Variants in SPPL3 observed in about 807,000 individuals in gnomAD.
The protein encoded by SPPL3 is signal peptide peptidase like 3.
Under a neutral mutation model 42.4 loss-of-function variants are expected in SPPL3, and 5 were observed. The ratio of observed to expected loss-of-function variants is 0.12; its 90% confidence interval spans 0.06 to 0.25. SPPL3 has a LOEUF of 0.25. SPPL3 is among the 10% of genes least tolerant of loss of function. The pLI, the probability that SPPL3 is intolerant of heterozygous loss-of-function variation, is 1.00. For missense variants in SPPL3, 235 were observed against 489.0 expected (o/e 0.48, Z 4.90); for synonymous variants, 195 against 181.8 (o/e 1.07, Z -0.58).
intron 6 of SPPL3, among the ~76,000 whole-genome samples, chr12:120,773,972 G>A (rs187542179): frequency 1.3e-4 from 20 of 152,302 alleles, no homozygotes; most frequent in Non-Finnish European, 2.4e-4. Flanking sequence ...GCCTTGAAAG[G>A]TCACAAGGTC....
intron 6 of SPPL3, among the ~76,000 whole-genome samples, chr12:120,777,539 C>G (rs1207747575): frequency 3.3e-5 from 5 of 152,222 alleles, no homozygotes; most frequent in African/African-American, 1.2e-4. Context: ...CTTTATCACT[C>G]TTAATAATAA....
At chr12:120,859,655 A>C (rs1387626288) in intron 1 of SPPL3, among the ~76,000 whole-genome samples, 1 of 152,086 alleles carries the variant, frequency 6.6e-6, no homozygotes, top group African/African-American at 2.4e-5. Flanking sequence ...AAACATACAG[A>C]CTCAAAAAGT....
Position 120,767,563 on chromosome 12 carries a change from G to A in SPPL3, c.804C>T (p.Gly268=). 1 of 1,614,188 alleles carries A rather than the reference G, an allele frequency of 6.2e-7. No individual in the cohort carries two copies. The highest frequency in any genetic ancestry group is 8.5e-7 in the Non-Finnish European group (1 of 1,180,020). Reference sequence around the variant, plus strand: ...GACCAGGCATAACGATGTCTCCGATGCCCAACATGGAGAAGTGGCTGCCAG... The same window carrying A: ...GACCAGGCATAACGATGTCTCCGATACCCAACATGGAGAAGTGGCTGCCAG... The part of the protein sequence containing the change: ...SSTGSHFSML[G]IGDIVMPGLL... Residue 268 remains glycine, a synonymous_variant, in exon 9 of 11, where the codon GGC becomes GGT. Coordinates refer to ENST00000353487, the MANE Select transcript of SPPL3 (RefSeq NM_139015.5).
intron 1 of SPPL3, among the ~76,000 whole-genome samples, chr12:120,871,321 C>T (rs10849805): frequency 0.19 from 29,452 of 151,814 alleles, 4,505 homozygotes; most frequent in African/African-American, 0.41. Flanking sequence ...AAGTAGAAAG[C>T]AGAATTGACA....
intron 2 of SPPL3, among the ~76,000 whole-genome samples, chr12:120,802,377 A>G (rs1053782778): frequency 2.9e-5 from 4 of 139,976 alleles, no homozygotes; most frequent in Non-Finnish European, 4.5e-5. Context: ...ATACATATAT[A>G]TGTATATATA....
chr12:120,805,400 T>C (rs1258287118), intron 2 of SPPL3, among the ~76,000 whole-genome samples: 1 of 152,168 alleles, frequency 6.6e-6, no homozygotes, highest in Admixed American at 6.5e-5. Context: ...AAAGGGCATT[T>C]ATGAAAAATG....
chr12:120,798,419 A>C (rs1870178600), intron 2 of SPPL3, among the ~76,000 whole-genome samples: 1 of 152,230 alleles, frequency 6.6e-6, no homozygotes, highest in African/African-American at 2.4e-5. Flanking sequence ...GTTCCACAAC[A>C]AACTAGATGT....
rs780492951 is a variant in SPPL3, at chr12:120,784,574, A to G, written c.210T>C (p.Ser70=). 1.9e-6 allele frequency: 3 copies of G among 1,608,136 alleles called. No individual in the cohort carries two copies. The highest frequency in any genetic ancestry group is 4.5e-5 in the East Asian group (2 of 44,830). The part of the protein sequence containing the change: ...STNNSIQTID[S]TQALFLPIGA... ...CAATTGGAAGGAACAGAGCCTGGGT[A>G]GAGTCAATTGTTTGGATGCCTGAAA... Residue 70 remains serine (S), a synonymous_variant, in exon 4 of 11, where the codon TCT becomes TCC. Coordinates refer to ENST00000353487, the MANE Select transcript of SPPL3 (RefSeq NM_139015.5).
Position 120,856,392 on chromosome 12 carries a change from C to G in SPPL3, c.24-45506G>C, listed in dbSNP as rs890001477. On this transcript the variant is annotated intron_variant, in intron 1 of 10. Transcript: ENST00000353487. ...TCCTGCAAACAGCAGCGCAGCAAGC[C>G]TAGAGGTGAGGTTAACATGCTGGAG... 4.0e-5 allele frequency among the ~76,000 whole-genome samples: 6 copies of G among 151,852 alleles called. No individual in the cohort carries two copies. The East Asian group carries it at 9.7e-4, about 24-fold the overall frequency.
At chr12:120,903,734 C>A in intron 1 of SPPL3, 111 bp downstream of exon 1, 1 of 608,588 alleles carries the variant, frequency 1.6e-6, no homozygotes, top group Non-Finnish European at 2.6e-6. Context: ...CAACCCGCGC[C>A]CCCCCCCCAC....
intron 1 of SPPL3, among the ~76,000 whole-genome samples, chr12:120,828,079 C>T (rs551638042): frequency 4.6e-5 from 7 of 152,288 alleles, no homozygotes; most frequent in African/African-American, 1.4e-4. Flanking sequence ...TGAGCCACCA[C>T]GTCTGGCCTA....
intron 10 of SPPL3, 125 bp downstream of exon 10, chr12:120,766,137 CA>C: frequency 1.5e-6 from 1 of 658,862 alleles, no homozygotes. Flanking sequence ...CACACACACA[CA>C]CACAGTCGAG....
intron 1 of SPPL3, among the ~76,000 whole-genome samples, chr12:120,820,567 C>A (rs1023221738): frequency 2.6e-5 from 4 of 151,978 alleles, no homozygotes; most frequent in Admixed American, 6.6e-5. Flanking sequence ...CTGCCCGCCT[C>A]GGCCTCCCAA....
At chr12:120,803,208 C>CT (rs1369246029) in intron 2 of SPPL3, among the ~76,000 whole-genome samples, 3 of 152,214 alleles carry the variant, frequency 2.0e-5, no homozygotes, top group Non-Finnish European at 4.4e-5. Flanking sequence ...AACAGGAGTG[C>CT]TGGCATTATG....
intron 1 of SPPL3, among the ~76,000 whole-genome samples, chr12:120,819,766 C>T (rs1294491158): frequency 1.3e-5 from 2 of 152,048 alleles, no homozygotes; most frequent in Admixed American, 6.5e-5. Flanking sequence ...AGGGTTAAAA[C>T]TTAACAAAAG....
intron 1 of SPPL3, among the ~76,000 whole-genome samples, chr12:120,890,700 T>A (rs1028096636): frequency 2.6e-5 from 4 of 151,566 alleles, no homozygotes; most frequent in African/African-American, 9.7e-5. Flanking sequence ...CTCAAAACTT[T>A]AAGGGAAAAA....
At chr12:120,812,472 A>AG (rs1348977028) in intron 1 of SPPL3, among the ~76,000 whole-genome samples, 3 of 152,176 alleles carry the variant, frequency 2.0e-5, no homozygotes, top group Non-Finnish European at 4.4e-5. Context: ...TGTACTGAGG[A>AG]GACAAGTGGA....
At chr12:120,861,846 G>C (rs1872625180) in intron 1 of SPPL3, among the ~76,000 whole-genome samples, 1 of 152,214 alleles carries the variant, frequency 6.6e-6, no homozygotes, top group Non-Finnish European at 1.5e-5. Context: ...CAGAAGGGCT[G>C]TGAGGGAGTT....
At chr12:120,832,386 T>C (rs1566055072) in intron 1 of SPPL3, among the ~76,000 whole-genome samples, 1 of 151,992 alleles carries the variant, frequency 6.6e-6, no homozygotes, top group South Asian at 2.1e-4. Flanking sequence ...AATGAGCTAT[T>C]TGGGGCCAGG....
Sources: gnomAD v4.1 joint callset for allele counts (sites outside exome capture counted in the v4.1 genomes callset) on GRCh38, gnomAD v4.1.1 for gene constraint, MANE v1.5 for transcripts, NCBI Gene and HGNC (gene_info 2026-07-23, HGNC 2026-07-21) for gene names.